DLGAP2: variants seen among roughly 807,000 people sequenced by gnomAD.
DLGAP2 encodes the protein DLG associated protein 2.
Under a neutral mutation model 100.3 loss-of-function variants are expected in DLGAP2, and 26 were observed. The observed-to-expected ratio is 0.26, with a 90% CI of 0.19 to 0.36. The LOEUF (loss-of-function observed/expected upper bound fraction) is 0.36, where lower values mean the gene tolerates loss of function less well. DLGAP2 is among the 10% of genes least tolerant of loss of function. The pLI is 1.00. For synonymous variants in DLGAP2, 886 were observed against 630.1 expected, an observed-to-expected ratio of 1.41 and a Z score of -6.08; for missense variants, 1,858 against 1,453.2, an observed-to-expected ratio of 1.28 and a Z score of -4.53.
intron 3 of DLGAP2, among the ~76,000 whole-genome samples, chr8:1,430,891 T>C (rs1227899639): frequency 6.6e-6 from 1 of 152,204 alleles, no homozygotes; most frequent in African/African-American, 2.4e-5. Flanking sequence ...AATGAATGAA[T>C]AATGAAAAGA....
chr8:1,097,054 T>C (rs1804399543), intron 2 of DLGAP2, among the ~76,000 whole-genome samples: 1 of 139,574 alleles, frequency 7.2e-6, no homozygotes. Flanking sequence ...CTATGTGGCA[T>C]GGAGAGGTCC....
intron 2 of DLGAP2, among the ~76,000 whole-genome samples, chr8:925,672 T>A (rs933967420): frequency 6.6e-6 from 1 of 152,156 alleles, no homozygotes; most frequent in African/African-American, 2.4e-5. Context: ...GTAGACCCCA[T>A]GCTTATATAT....
chr8:1,528,891 C>G lies in DLGAP2; in HGVS notation c.173-19735C>G, dbSNP rs1162801075. On this transcript the variant is annotated intron_variant, in intron 4 of 14. Coordinates refer to ENST00000637795, the MANE Select transcript of DLGAP2 (RefSeq NM_001346810.2). Reference sequence around the variant, plus strand: ...CTTCCAGGCAGAAAATAGTGATGCTCAGGAAACAGTAAAAGCCTTTCTGCA... The same window carrying G: ...CTTCCAGGCAGAAAATAGTGATGCTGAGGAAACAGTAAAAGCCTTTCTGCA... 1.2e-3 allele frequency among the ~76,000 whole-genome samples: 135 copies of G among 110,568 alleles called. 2 individuals are homozygous for G. Among genetic ancestry groups the G allele is most frequent in the Non-Finnish European group, 6.2e-5 (3 of 48,190 alleles). 72.5% of individuals were successfully genotyped at this position (110,568 alleles called of 152,430 possible). A position where few individuals can be genotyped will look rare whatever the true frequency, so the allele number is the denominator to read the frequency against.
At chr8:894,054 C>T (rs1678634714) in intron 1 of DLGAP2, among the ~76,000 whole-genome samples, 2 of 152,208 alleles carry the variant, frequency 1.3e-5, no homozygotes, top group South Asian at 4.1e-4. Flanking sequence ...CAGGCAGGGG[C>T]TTCTTCCCCT....
chr8:856,191 T>TCTTCTTCTTCTTC (rs1563065844), intron 1 of DLGAP2, among the ~76,000 whole-genome samples: 21 of 60,288 alleles, frequency 3.5e-4, no homozygotes, highest in African/African-American at 9.6e-4. Context: ...TCTTCTTTTT[T>TCTTCTTCTTCTTC]TTTTTTTTTT....
chr8:1,174,254 A>G (rs945965431), intron 2 of DLGAP2, among the ~76,000 whole-genome samples: 1 of 152,056 alleles, frequency 6.6e-6, no homozygotes, highest in Non-Finnish European at 1.5e-5. Flanking sequence ...GTCTACCCAC[A>G]TACCCATCAC....
chr8:1,071,054 G>A (rs1227514414), intron 2 of DLGAP2, among the ~76,000 whole-genome samples: 1 of 152,190 alleles, frequency 6.6e-6, no homozygotes, highest in East Asian at 1.9e-4. Context: ...CAGAATGAGG[G>A]TCCTGTGTTT....
At position 1,392,579 on chromosome 8, in the gene DLGAP2, T is replaced by C. The variant is rs142291677; in HGVS notation, c.107-108787T>C. On this transcript the variant is annotated intron_variant, in intron 3 of 14. Transcript: ENST00000637795. ...GTCCGAAAAGGCCCAAAATAGACTCTGCTTGTTATCATATTAACTTTGCAT... is the reference window on the plus strand; with the variant it reads ...GTCCGAAAAGGCCCAAAATAGACTCCGCTTGTTATCATATTAACTTTGCAT... Among the ~76,000 whole-genome samples the C allele has an allele frequency of 8.0e-3, 1,217 of 152,320 alleles. 66 individuals are homozygous for C. Among genetic ancestry groups the C allele is most frequent in the Admixed American group, 0.074 (1,128 of 15,296 alleles).
At chr8:1,669,394 G>C (rs1056817027) in intron 9 of DLGAP2, among the ~76,000 whole-genome samples, 1 of 152,248 alleles carries the variant, frequency 6.6e-6, no homozygotes, top group African/African-American at 2.4e-5. Flanking sequence ...GCAGTGTTGT[G>C]CACCCAGGGA....
intron 2 of DLGAP2, among the ~76,000 whole-genome samples, chr8:1,101,675 G>T (rs950456261): frequency 1.3e-5 from 2 of 149,408 alleles, no homozygotes; most frequent in Admixed American, 6.7e-5. Flanking sequence ...CCCCTGAGCC[G>T]AACACGACAC....
intron 6 of DLGAP2, among the ~76,000 whole-genome samples, chr8:1,588,388 T>G (rs1399597915): frequency 6.6e-5 from 10 of 152,186 alleles, no homozygotes; most frequent in Admixed American, 6.5e-5. Context: ...GGTGCTAACC[T>G]TGAAGCAGCA....
intron 2 of DLGAP2, among the ~76,000 whole-genome samples, chr8:1,213,109 A>G (rs572845235): frequency 2.8e-4 from 42 of 152,154 alleles, no homozygotes; most frequent in Non-Finnish European, 5.1e-4. Context: ...AAAGATCTCC[A>G]GGTTTTCCTA....
At chr8:1,320,436 G>A (rs566542104) in intron 3 of DLGAP2, among the ~76,000 whole-genome samples, 9 of 152,222 alleles carry the variant, frequency 5.9e-5, no homozygotes, top group African/African-American at 1.9e-4. Flanking sequence ...AAGGGTGGGT[G>A]CGTGGAGCCC....
chr8:1,109,155 TGC>T (rs1804875561), intron 2 of DLGAP2, among the ~76,000 whole-genome samples: 1 of 86,012 alleles, frequency 1.2e-5, no homozygotes, highest in Non-Finnish European at 2.3e-5. Flanking sequence ...CTGTGAGGTG[TGC>T]ACGGGTCTGT....
chr8:821,793 G>T (rs1252870190), intron 1 of DLGAP2, among the ~76,000 whole-genome samples: 1 of 152,164 alleles, frequency 6.6e-6, no homozygotes, highest in Non-Finnish European at 1.5e-5. Context: ...TTTCAAAATG[G>T]TTAAATGTAC....
chr8:1,272,486 A>G (rs73674904), intron 3 of DLGAP2, among the ~76,000 whole-genome samples: 2,298 of 152,018 alleles, frequency 0.015, 70 homozygotes, highest in African/African-American at 0.052. Context: ...TATATATTAC[A>G]CATAAACGTT....
intron 2 of DLGAP2, among the ~76,000 whole-genome samples, chr8:1,253,858 G>C (rs1317611719): frequency 6.6e-6 from 1 of 152,224 alleles, no homozygotes; most frequent in East Asian, 1.9e-4. Context: ...TTCATTGAAA[G>C]GGTCCGTGCT....
intron 2 of DLGAP2, among the ~76,000 whole-genome samples, chr8:1,177,365 A>G (rs1194629274): frequency 6.6e-6 from 1 of 152,122 alleles, no homozygotes; most frequent in East Asian, 1.9e-4. Flanking sequence ...CAGGTTTACC[A>G]GATCGAAAAA....
chr8:852,573 A>T (rs17667030), intron 1 of DLGAP2, among the ~76,000 whole-genome samples: 16,546 of 152,234 alleles, frequency 0.11, 1,367 homozygotes, highest in Admixed American at 0.27. Flanking sequence ...GTGGTAAATG[A>T]GCAAATCAAC....
Sources: gnomAD v4.1 joint callset for allele counts (sites outside exome capture counted in the v4.1 genomes callset) on GRCh38, gnomAD v4.1.1 for gene constraint, MANE v1.5 for transcripts, NCBI Gene and HGNC (gene_info 2026-07-23, HGNC 2026-07-21) for gene names.